The following ZFHX3 variants were observed in gnomAD, a reference collection of about 807,000 sequenced individuals.
The protein encoded by ZFHX3 is zinc finger homeobox protein 3.
A neutral mutation model predicts 279.1 loss-of-function variants in ZFHX3; 42 were observed. The observed-to-expected ratio is 0.15, with a 90% CI of 0.12 to 0.19. The LOEUF is 0.19. ZFHX3 is among the 10% of genes least tolerant of loss of function. The pLI, the probability that ZFHX3 is intolerant of heterozygous loss-of-function variation, is 1.00. For missense variants in ZFHX3, 4,981 were observed against 4,754.0 expected, an observed-to-expected ratio of 1.05 and a Z score of -1.40; for synonymous variants, 2,293 against 1,957.8, an observed-to-expected ratio of 1.17 and a Z score of -4.52.
At chr16:73,020,790 C>T (rs1277892094) in intron 1 of ZFHX3, among the ~76,000 whole-genome samples, 1 of 152,180 alleles carries the variant, frequency 6.6e-6, no homozygotes, top group East Asian at 1.9e-4. Context: ...TCTGTCTTAT[C>T]CTATTCAAAT....
chr16:72,876,326 C>A (rs1031150023), intron 4 of ZFHX3, among the ~76,000 whole-genome samples: 10 of 152,064 alleles, frequency 6.6e-5, no homozygotes, highest in Non-Finnish European at 8.8e-5. Context: ...TGGAATAAGC[C>A]CACAGTCAGA....
intron 2 of ZFHX3, among the ~76,000 whole-genome samples, chr16:73,504,079 T>C (rs182828600): frequency 2.5e-3 from 376 of 152,286 alleles, no homozygotes; most frequent in Admixed American, 5.5e-3. Context: ...TAAACAGAAA[T>C]GGAAAAATAG....
At chr16:73,811,886 C>T (rs915086316) in intron 1 of ZFHX3, among the ~76,000 whole-genome samples, 3 of 152,158 alleles carry the variant, frequency 2.0e-5, no homozygotes, top group African/African-American at 7.2e-5. Flanking sequence ...TGGCTCTGAC[C>T]ATCTCAGAAC....
intron 3 of ZFHX3, among the ~76,000 whole-genome samples, chr16:73,350,431 A>G (rs557611602): frequency 2.0e-5 from 3 of 152,324 alleles, no homozygotes; most frequent in Non-Finnish European, 2.9e-5. Context: ...GGAGTGGTTC[A>G]TTTTATGTGT....
At chr16:73,521,065 A>C in intron 2 of ZFHX3, among the ~76,000 whole-genome samples, 1 of 152,156 alleles carries the variant, frequency 6.6e-6, no homozygotes, top group Admixed American at 6.5e-5. Context: ...AAAGAACAAA[A>C]TCAAAACAAA....
chr16:72,874,766 T>C (rs752461391), intron 4 of ZFHX3, among the ~76,000 whole-genome samples: 9 of 152,106 alleles, frequency 5.9e-5, no homozygotes, highest in East Asian at 1.9e-4. Flanking sequence ...AGTGCTGGCA[T>C]TGCCGGCGTA....
intron 2 of ZFHX3, among the ~76,000 whole-genome samples, chr16:73,656,888 C>T (rs1263698723): frequency 6.6e-6 from 1 of 152,106 alleles, no homozygotes; most frequent in Admixed American, 6.6e-5. Flanking sequence ...AAATTGTTTG[C>T]CAAGCTTCAG....
At chr16:73,534,538 T>G (rs1478622158) in intron 2 of ZFHX3, among the ~76,000 whole-genome samples, 1 of 152,232 alleles carries the variant, frequency 6.6e-6, no homozygotes, top group Non-Finnish European at 1.5e-5. Context: ...AAGGGATCTC[T>G]ATTTTGCTCA....
intron 2 of ZFHX3, among the ~76,000 whole-genome samples, chr16:73,516,768 C>A (rs2019529141): frequency 2.0e-5 from 3 of 152,142 alleles, no homozygotes; most frequent in Non-Finnish European, 2.9e-5. Context: ...TTCCCAAGGC[C>A]CAGAGCAGTG....
chr16:73,584,535 T>C (rs2051903056), intron 2 of ZFHX3, among the ~76,000 whole-genome samples: 1 of 152,088 alleles, frequency 6.6e-6, no homozygotes, highest in African/African-American at 2.4e-5. Flanking sequence ...GAAAAAATAT[T>C]TTAAGAACAA....
At chr16:73,020,750 G>A (rs962088709) in intron 1 of ZFHX3, among the ~76,000 whole-genome samples, 7 of 152,214 alleles carry the variant, frequency 4.6e-5, no homozygotes, top group African/African-American at 7.2e-5. Flanking sequence ...GGTAAAGTCA[G>A]GGAGGCACGG....
At position 72,793,192 on chromosome 16, in the gene ZFHX3, CA is replaced by C. The variant is rs1597234119; in HGVS notation, c.9427+62del. On this transcript the variant is annotated intron_variant, in intron 9 of 9. Coordinates refer to ENST00000268489, the MANE Select transcript of ZFHX3 (RefSeq NM_006885.4). This position sits in a 1 kb window ranked among gnomAD's most constrained non-coding sequence, Gnocchi z 4.3. ...ACTCAGAGGGTTTGGGTGGTATCCA[CA>C]TAACAGAATGCTGACTGGGCAGCTA... 2.0e-6 allele frequency: 3 copies of C among 1,537,900 alleles called. No individual in the cohort carries two copies. The highest frequency in any genetic ancestry group is 2.6e-6 in the Non-Finnish European group (3 of 1,144,980).
rs575104396 is a variant in ZFHX3, at chr16:73,407,841, A to G, written c.-1291+48162T>C. Among the ~76,000 whole-genome samples, 6 of 152,282 alleles carry G rather than the reference A, an allele frequency of 3.9e-5. No individual in the cohort carries two copies. In the South Asian group the frequency reaches 1.0e-3, roughly 26 times the overall value. On this transcript the variant is annotated intron_variant, in intron 3 of 17. Transcript: ENST00000641206. ...CTTTTCAAAGACAGACAGCCTGGGG[A>G]ATCGTGCAAATGGTCTTCCACTGCC...
intron 2 of ZFHX3, among the ~76,000 whole-genome samples, chr16:73,511,134 T>C (rs2019421030): frequency 6.6e-6 from 1 of 152,188 alleles, no homozygotes; most frequent in Non-Finnish European, 1.5e-5. Context: ...CGGAAGTTAA[T>C]GAAAAATTGC....
At chr16:73,443,757 G>A (rs1245063018) in intron 3 of ZFHX3, among the ~76,000 whole-genome samples, 5 of 151,762 alleles carry the variant, frequency 3.3e-5, no homozygotes, top group Admixed American at 6.6e-5. Context: ...TTACTCCTTG[G>A]CTTTTTTTCT....
intron 4 of ZFHX3, among the ~76,000 whole-genome samples, chr16:72,867,020 G>T (rs2038039156): frequency 6.6e-6 from 1 of 152,200 alleles, no homozygotes. Flanking sequence ...TTTGGAGAGG[G>T]AACTGTGTAG....
chr16:73,861,114 C>T (rs982798123), intron 1 of ZFHX3, among the ~76,000 whole-genome samples: 32 of 151,938 alleles, frequency 2.1e-4, no homozygotes, highest in Admixed American at 1.6e-3. Flanking sequence ...CAGGCAAGTG[C>T]CACCACACCT....
chr16:73,316,210 G>A (rs997052200), intron 4 of ZFHX3, among the ~76,000 whole-genome samples: 1 of 152,228 alleles, frequency 6.6e-6, no homozygotes, highest in South Asian at 2.1e-4. Flanking sequence ...CTATCTTGCA[G>A]TATAACCCTG....
chr16:73,355,337 G>T (rs1354038813), intron 3 of ZFHX3, among the ~76,000 whole-genome samples: 1 of 152,116 alleles, frequency 6.6e-6, no homozygotes, highest in Non-Finnish European at 1.5e-5. Flanking sequence ...AGGAAACCTG[G>T]CTTAAAAAAT....
Sources: allele counts gnomAD v4.1 joint callset (sites outside exome capture counted in the v4.1 genomes callset), GRCh38; gene constraint gnomAD v4.1.1; non-coding constraint Gnocchi (gnomAD v3.1); transcripts MANE v1.5; gene names NCBI Gene and HGNC (gene_info 2026-07-23, HGNC 2026-07-21).